EVI5: variants seen among roughly 807,000 people sequenced by gnomAD.
EVI5 encodes the protein ecotropic viral integration site 5 protein homolog.
EVI5 carries 73 observed loss-of-function variants against 112.0 expected under a neutral mutation model. The ratio of observed to expected loss-of-function variants is 0.65; its 90% CI spans 0.54 to 0.79. The LOEUF is 0.79. Among genes scored for constraint, EVI5 ranks in the 30% least tolerant of loss-of-function variants. EVI5 has a pLI of 0.00. For missense variants in EVI5, 900 were observed against 968.8 expected (o/e 0.93, Z 0.94); for synonymous variants, 305 against 319.9 (o/e 0.95, Z 0.50).
At chr1:92,727,501 T>G (rs1008410240) in intron 2 of EVI5, among the ~76,000 whole-genome samples, 1 of 152,186 alleles carries the variant, frequency 6.6e-6, no homozygotes, top group African/African-American at 2.4e-5. Flanking sequence ...GTCATGAGTC[T>G]GATTTATCCC....
chr1:92,548,945 C>T (rs1025031165), intron 19 of EVI5, among the ~76,000 whole-genome samples: 1 of 152,128 alleles, frequency 6.6e-6, no homozygotes, highest in Admixed American at 6.5e-5. Context: ...ACATTCAATG[C>T]CATCCCCATC....
chr1:92,561,555 C>A (rs1668542712), intron 19 of EVI5, among the ~76,000 whole-genome samples: 1 of 77,222 alleles, frequency 1.3e-5, no homozygotes, highest in African/African-American at 4.9e-5. Flanking sequence ...ATGAGACTGA[C>A]TATCTATCTA....
chr1:92,641,015 G>C (rs1298817446), intron 13 of EVI5, among the ~76,000 whole-genome samples: 1 of 152,076 alleles, frequency 6.6e-6, no homozygotes. Flanking sequence ...TGGGAGCTGA[G>C]CAATGAGAAC....
At chr1:92,580,213 C>A (rs1671722156) in intron 18 of EVI5, among the ~76,000 whole-genome samples, 1 of 152,180 alleles carries the variant, frequency 6.6e-6, no homozygotes, top group African/African-American at 2.4e-5. Flanking sequence ...ATTTTAGAGT[C>A]ATTCTTTCCT....
chr1:92,599,121 T>C (rs182755359), intron 18 of EVI5, among the ~76,000 whole-genome samples: 69 of 151,944 alleles, frequency 4.5e-4, no homozygotes, highest in African/African-American at 1.5e-3. Flanking sequence ...TGTTATAGTA[T>C]TTATAAAAAT....
chr1:92,677,189 G>A lies in EVI5; in HGVS notation c.1127C>T (p.Thr376Met), dbSNP rs146140626. 2.1e-3 allele frequency: 3,354 copies of A among 1,586,864 alleles called. 5 individuals are homozygous for A. The highest frequency in any genetic ancestry group is 2.6e-3 in the Non-Finnish European group (2,993 of 1,162,580). Residue 376 changes from threonine (T) to methionine (M), a missense_variant, in exon 10 of 20, where the codon ACG becomes ATG. Transcript: ENST00000684568. ...KLEKEYTTIK[T>M]KEMEEQVEIK... ...TTCAACTTGCTCTTCCATTTCTTTC[G>A]TTTTTATTGTAGTGTATTCCTTTTC...
rs1192228778 is a variant in EVI5 at position 92,755,079 on chromosome 1, T to TG, written c.-81-18453_-81-18452insC. On this transcript the variant is annotated intron_variant, in intron 1 of 19. Coordinates refer to ENST00000684568, the MANE Select transcript of EVI5 (RefSeq NM_001350197.2). ...TGATGTGAACATAGGTTTTTTTTTTTTTTTTTTTTTGCATCTGAAATATTC... is the reference window on the plus strand; with the variant it reads ...TGATGTGAACATAGGTTTTTTTTTTTGTTTTTTTTTTGCATCTGAAATATTC... 4.9e-4 allele frequency among the ~76,000 whole-genome samples: 74 copies of TG among 151,282 alleles called. 1 individual carries two copies. Among genetic ancestry groups the TG allele is most frequent in the Non-Finnish European group, 8.9e-4 (60 of 67,762 alleles).
At chr1:92,555,874 A>C (rs374396624) in intron 19 of EVI5, among the ~76,000 whole-genome samples, 22 of 151,056 alleles carry the variant, frequency 1.5e-4, no homozygotes, top group African/African-American at 4.9e-4. Context: ...AAAAGGAATA[A>C]GCATGAAGTT....
chr1:92,749,080 A>G (rs181610661), intron 1 of EVI5: 2,713 of 171,780 alleles, frequency 0.016, 80 homozygotes, highest in African/African-American at 0.058. Context: ...AAAAAAAAAA[A>G]AAAAAGAAAA....
intron 9 of EVI5, among the ~76,000 whole-genome samples, chr1:92,684,678 C>T (rs1391116270): frequency 6.6e-6 from 1 of 151,542 alleles, no homozygotes; most frequent in Admixed American, 6.6e-5. Context: ...CAAAGACACA[C>T]ATAGGCTCAA....
At chr1:92,630,382 T>C (rs1283823554) in intron 14 of EVI5, among the ~76,000 whole-genome samples, 3 of 152,214 alleles carry the variant, frequency 2.0e-5, no homozygotes, top group Admixed American at 2.0e-4. Context: ...AGATGGTATC[T>C]CATTGTGGTT....
Position 92,687,121 on chromosome 1 carries a change from G to A in EVI5, c.1097+6681C>T, listed in dbSNP as rs576445330. ...AAAAGAACAAAGCTGGAGGCATCAC[G>A]CTACCTGACTTCAAACTATACTACA... On this transcript the variant is annotated intron_variant, in intron 9 of 19. Transcript: ENST00000684568. Among the ~76,000 whole-genome samples the A allele has an allele frequency of 3.3e-5, 5 of 152,190 alleles. No homozygotes were observed. In the South Asian group the frequency reaches 8.3e-4, roughly 25 times the overall value.
At chr1:92,596,582 C>CA (rs1408352637) in intron 18 of EVI5, among the ~76,000 whole-genome samples, 4 of 151,922 alleles carry the variant, frequency 2.6e-5, no homozygotes, top group Non-Finnish European at 5.9e-5. Flanking sequence ...AGCAAATACA[C>CA]AAAAAATGAA....
chr1:92,606,229 T>G (rs900992090), intron 17 of EVI5, among the ~76,000 whole-genome samples: 1 of 152,192 alleles, frequency 6.6e-6, no homozygotes, highest in African/African-American at 2.4e-5. Context: ...TCAAAGAAAA[T>G]TATTATTTTC....
chr1:92,654,141 A>G (rs1426779234), intron 13 of EVI5, among the ~76,000 whole-genome samples: 8 of 152,058 alleles, frequency 5.3e-5, no homozygotes, highest in African/African-American at 1.9e-4. Flanking sequence ...GCCACTGTAC[A>G]TTCCACAGCC....
chr1:92,697,774 A>T, intron 6 of EVI5, 86 bp downstream of exon 6: 1 of 1,090,458 alleles, frequency 9.2e-7, no homozygotes, highest in Non-Finnish European at 1.4e-6. Flanking sequence ...TAATGCTTTT[A>T]ACATTAAATT....
At chr1:92,660,239 G>C (rs10735782) in intron 13 of EVI5, among the ~76,000 whole-genome samples, 140,136 of 152,110 alleles carry the variant, frequency 0.92, 64,636 homozygotes, top group East Asian at 0.97. Context: ...TAACACTATT[G>C]AGCCATTTTA....
chr1:92,699,824 G>A (rs1038518087), intron 5 of EVI5, among the ~76,000 whole-genome samples: 16 of 152,198 alleles, frequency 1.1e-4, no homozygotes, highest in African/African-American at 2.9e-4. Context: ...GCAGTCCACC[G>A]TTGACCAAAA....
intron 19 of EVI5, among the ~76,000 whole-genome samples, chr1:92,533,646 G>A (rs1663293244): frequency 6.6e-6 from 1 of 152,082 alleles, no homozygotes; most frequent in Non-Finnish European, 1.5e-5. Flanking sequence ...ATCAATAAAC[G>A]TAATCCATCA....
Sources: gnomAD v4.1 joint callset for allele counts (sites outside exome capture counted in the v4.1 genomes callset) on GRCh38, gnomAD v4.1.1 for gene constraint, MANE v1.5 for transcripts, NCBI Gene and HGNC (gene_info 2026-07-23, HGNC 2026-07-21) for gene names.